The following VAMP8 variants were observed in gnomAD, a reference collection of about 807,000 sequenced individuals.
VAMP8 encodes the protein vesicle associated membrane protein 8, also known as vesicle-associated membrane protein 8.
VAMP8 carries 9 observed loss-of-function variants against 11.4 expected under a neutral mutation model. That is an observed-to-expected ratio of 0.79 (90% CI 0.48 to 1.38). The LOEUF is 1.38. VAMP8 is among the 40% of genes most tolerant of loss of function. The probability of loss-of-function intolerance (pLI) is 0.00; values close to 1 mark genes in which losing one functional copy is unlikely to be tolerated. For missense variants in VAMP8, 108 were observed against 127.8 expected, an observed-to-expected ratio of 0.85 and a Z score of 0.75; for synonymous variants, 42 against 44.7, an observed-to-expected ratio of 0.94 and a Z score of 0.24.
rs1421145758 is a variant in VAMP8, at chr2:85,581,453, CAG to C, written c.163-120_163-119del. The C allele has an allele frequency of 3.2e-6, 4 of 1,243,418 alleles. 1 individual carries two copies. The highest frequency in any genetic ancestry group is 3.1e-5 in the African/African-American group (2 of 64,204). 77.0% of individuals were successfully genotyped at this position (1,243,418 alleles called of 1,614,324 possible). On this transcript the variant is annotated intron_variant, in intron 2 of 2. Coordinates refer to ENST00000263864, the MANE Select transcript of VAMP8 (RefSeq NM_003761.5). ...CAAGATCGAGCCACTGCCTGAGTGA[CAG>C]AGCGAGACTCCATCTCAAAAAAAAA...
chr2:85,578,508 C>G (rs575650320), intron 1 of VAMP8, among the ~76,000 whole-genome samples: 2 of 152,172 alleles, frequency 1.3e-5, no homozygotes, highest in Non-Finnish European at 2.9e-5. Context: ...CGGCCAGGGC[C>G]GTGCTCCGGC....
chr2:85,581,852 G>C lies in VAMP8; in HGVS notation c.*136G>C. ...CTCCTACCCCTCTTCCCGAGGCCCT[G>C]CTGCCATGTTGTATGCCCCAGAAGG... On this transcript the variant is annotated 3_prime_UTR_variant, in exon 3 of 3. Transcript: ENST00000263864. 1.6e-6 allele frequency: 2 copies of C among 1,256,154 alleles called. No individual in the cohort carries two copies. The highest frequency in any genetic ancestry group is 2.8e-5 in the South Asian group (2 of 70,406). The allele number at this position is 1,256,154 out of a possible 1,614,324, so 77.8% of individuals were successfully genotyped here. A position where few individuals can be genotyped will look rare whatever the true frequency, so the allele number is the denominator to read the frequency against.
At chr2:85,578,439 T>C (rs1490598388) in intron 1 of VAMP8, among the ~76,000 whole-genome samples, 1 of 152,190 alleles carries the variant, frequency 6.6e-6, no homozygotes, top group Non-Finnish European at 1.5e-5. Flanking sequence ...GCTCAACGGC[T>C]CCAGGCGCCT....
chr2:85,580,623 T>C (rs983908990), intron 2 of VAMP8, among the ~76,000 whole-genome samples: 1 of 151,824 alleles, frequency 6.6e-6, no homozygotes, highest in Admixed American at 6.6e-5. Context: ...TCCAGATTTT[T>C]AGGAAGGTAC....
At chr2:85,577,774 C>G in intron 1 of VAMP8, 125 bp downstream of exon 1, 14 of 1,336,726 alleles carry the variant, frequency 1.0e-5, no homozygotes, top group Non-Finnish European at 1.5e-5. Flanking sequence ...GCCAGTGCTG[C>G]TATGGCCTCT....
intron 2 of VAMP8, 97 bp downstream of exon 2, chr2:85,579,264 A>C: frequency 7.3e-7 from 1 of 1,364,600 alleles, no homozygotes; most frequent in Non-Finnish European, 9.8e-7. Context: ...GAAGTTTGAC[A>C]TTTCTGTTGC....
chr2:85,578,819 C>G (rs775525788), intron 1 of VAMP8, among the ~76,000 whole-genome samples, 190 bp from the exon 2 acceptor site: 7 of 152,170 alleles, frequency 4.6e-5, no homozygotes, highest in Non-Finnish European at 8.8e-5. Context: ...TCACATCTCA[C>G]CTTCTGGGGC....
At chr2:85,580,324 TCC>T (rs1231119675) in intron 2 of VAMP8, among the ~76,000 whole-genome samples, 1 of 152,018 alleles carries the variant, frequency 6.6e-6, no homozygotes, top group African/African-American at 2.4e-5. Context: ...GAGGAGGAGT[TCC>T]CTTACTTCCA....
intron 2 of VAMP8, chr2:85,579,774 A>C: frequency 1.3e-6 from 2 of 1,550,718 alleles, no homozygotes; most frequent in Non-Finnish European, 1.7e-6. Flanking sequence ...TCAGGGAGGA[A>C]GTAACTCCAA....
At chr2:85,578,898 C>A in intron 1 of VAMP8, 111 bp from the exon 2 acceptor site, 1 of 1,104,522 alleles carries the variant, frequency 9.1e-7, no homozygotes, top group Non-Finnish European at 1.3e-6. Context: ...ACATTTCAAG[C>A]ATTTTACAAA....
rs1248616873 is a variant in VAMP8 at position 85,579,100 on chromosome 2, A to G, written c.95A>G (p.Glu32Gly). ...AAGAATATTATGACCCAGAATGTGGAGCGGATCCTGGCCCGGGGGGAAAAC... is the reference window on the plus strand; with the variant it reads ...AAGAATATTATGACCCAGAATGTGGGGCGGATCCTGGCCCGGGGGGAAAAC... ...GVKNIMTQNV[E>G]RILARGENLE... The change falls in exon 2 of 3, where the codon GAG (glutamate) becomes GGG (glycine). Residue 32 changes from glutamate to glycine, a missense_variant. By Grantham distance (98) the Glu-to-Gly change is moderately conservative. Transcript: ENST00000263864. 1 of 1,609,122 alleles carries G rather than the reference A, an allele frequency of 6.2e-7. No individual in the cohort carries two copies. The highest frequency in any genetic ancestry group is 2.2e-5 in the East Asian group (1 of 44,786).
intron 2 of VAMP8, among the ~76,000 whole-genome samples, chr2:85,581,021 A>C (rs1376545193): frequency 6.6e-6 from 1 of 152,126 alleles, no homozygotes; most frequent in Non-Finnish European, 1.5e-5. Context: ...GTCAGTATTA[A>C]GATGTATGGC....
In VAMP8 at chr2:85,579,134, T is replaced by C. The variant is rs539672042; in HGVS notation, c.129T>C (p.His43=). Reference sequence around the variant, plus strand: ...TGGCCCGGGGGGAAAACTTGGAACATCTCCGCAACAAGACAGAGGATCTGG... The same window carrying C: ...TGGCCCGGGGGGAAAACTTGGAACACCTCCGCAACAAGACAGAGGATCTGG... ...RILARGENLE[H]LRNKTEDLEA... The change falls in exon 2 of 3, where the codon CAT becomes CAC. Residue 43 remains histidine, a synonymous_variant. Coordinates refer to ENST00000263864, the MANE Select transcript of VAMP8 (RefSeq NM_003761.5). 6.2e-7 allele frequency: 1 copy of C among 1,607,526 alleles called. No individual in the cohort carries two copies. The highest frequency in any genetic ancestry group is 2.2e-5 in the East Asian group (1 of 44,696).
chr2:85,579,958 A>G (rs1057506154), intron 2 of VAMP8: 3 of 1,190,070 alleles, frequency 2.5e-6, no homozygotes, highest in Non-Finnish European at 3.4e-6. Context: ...GGCCCCGGGA[A>G]TTTTTTTTTT....
intron 2 of VAMP8, among the ~76,000 whole-genome samples, chr2:85,580,786 C>A: frequency 6.6e-6 from 1 of 150,844 alleles, no homozygotes; most frequent in East Asian, 2.0e-4. Context: ...CCTGCCTTAG[C>A]CTCCTAAGTA....
At chr2:85,578,185 G>C (rs1414634305) in intron 1 of VAMP8, among the ~76,000 whole-genome samples, 3 of 152,206 alleles carry the variant, frequency 2.0e-5, no homozygotes, top group Non-Finnish European at 4.4e-5. Flanking sequence ...CTGTGATAAT[G>C]TAGTTCTGAC....
chr2:85,578,108 G>A (rs1421188256), intron 1 of VAMP8, among the ~76,000 whole-genome samples: 1 of 152,058 alleles, frequency 6.6e-6, no homozygotes, highest in East Asian at 1.9e-4. Flanking sequence ...GAGTCCTTTG[G>A]GTGTCCTTTC....
Position 85,581,695 on chromosome 2 carries a change from T to C in VAMP8, c.282T>C (p.Phe94=). The C allele has an allele frequency of 6.2e-7, 1 of 1,614,212 alleles. No individual in the cohort carries two copies. The highest frequency in any genetic ancestry group is 8.5e-7 in the Non-Finnish European group (1 of 1,180,034). ...VFIIILFIVL[F]ATGAFS ...TCATCATCCTCTTCATTGTGCTCTT[T>C]GCCACTGGTGCCTTCTCTTAAGTAA... The change falls in exon 3 of 3, where the codon TTT becomes TTC. Residue 94 remains phenylalanine, a synonymous_variant. Transcript: ENST00000263864.
At chr2:85,579,691 AAAT>A in intron 2 of VAMP8, 1 of 1,537,574 alleles carries the variant, frequency 6.5e-7, no homozygotes, top group Non-Finnish European at 8.8e-7. Flanking sequence ...ATGAAGGCTA[AAAT>A]AATATCTCCC....
Sources: allele counts gnomAD v4.1 joint callset (sites outside exome capture counted in the v4.1 genomes callset), GRCh38; gene constraint gnomAD v4.1.1; transcripts MANE v1.5; gene names NCBI Gene and HGNC (gene_info 2026-07-23, HGNC 2026-07-21).